BCORL1: variants seen among roughly 807,000 people sequenced by gnomAD.
The protein encoded by BCORL1 is BCL-6 corepressor-like protein 1.
A neutral mutation model predicts 87.6 loss-of-function variants in BCORL1; 7 were observed. The observed-to-expected ratio is 0.08, with a 90% CI of 0.05 to 0.15. The LOEUF is 0.15. BCORL1 is among the 10% of genes least tolerant of loss of function. The pLI, the probability that BCORL1 is intolerant of heterozygous loss-of-function variation, is 1.00. For missense variants in BCORL1, 1,215 were observed against 1,499.7 expected, an observed-to-expected ratio of 0.81 and a Z score of 3.13; for synonymous variants, 591 against 634.4, an observed-to-expected ratio of 0.93 and a Z score of 1.03.
intron 5 of BCORL1, 171 bp downstream of exon 5, chrX:130,021,321 A>G: frequency 1.3e-6 from 1 of 750,447 alleles, no homozygotes; most frequent in Non-Finnish European, 1.6e-6. Context: ...TGAGCGAGCA[A>G]GGATCGGGGG....
chrX:130,049,640 G>A (rs932258180), intron 11 of BCORL1, among the ~76,000 whole-genome samples: 1 of 112,442 alleles, frequency 8.9e-6, no homozygotes, highest in African/African-American at 3.2e-5. Context: ...TTACAGGCGT[G>A]CGCCACTGTG....
chrX:130,015,631 A>G lies in BCORL1; in HGVS notation c.2859A>G (p.Ser953=). ...GAATGAATCAGGGGCCTGAGGAATCAGAGAGCCACCTCTGCTCTGACAGCA... is the reference window on the plus strand; with the variant it reads ...GAATGAATCAGGGGCCTGAGGAATCGGAGAGCCACCTCTGCTCTGACAGCA... ...DIRMNQGPEE[S]ESHLCSDSTP... is the part of the protein sequence containing the mutation. Residue 953 remains serine (S), a synonymous_variant, in exon 4 of 14, where the codon TCA becomes TCG. Transcript: ENST00000540052. 1 of 1,212,076 alleles carries G rather than the reference A, an allele frequency of 8.3e-7. No individual in the cohort carries two copies.
intron 2 of BCORL1, among the ~76,000 whole-genome samples, chrX:130,012,243 T>C (rs1039150180): frequency 1.8e-5 from 2 of 111,633 alleles, no homozygotes; most frequent in African/African-American, 6.5e-5. Context: ...CTGTACATCC[T>C]GGATGGTCAT....
intron 13 of BCORL1, among the ~76,000 whole-genome samples, chrX:130,052,579 T>A (rs1395076371): frequency 8.9e-6 from 1 of 112,083 alleles, no homozygotes; most frequent in African/African-American, 3.2e-5. Flanking sequence ...ACACGTAACA[T>A]TAGATTGAAC....
chrX:130,037,886 C>CA (rs1362067992), intron 10 of BCORL1, among the ~76,000 whole-genome samples: 2 of 111,228 alleles, frequency 1.8e-5, no homozygotes, highest in Admixed American at 9.5e-5. Flanking sequence ...GACTCCGTCT[C>CA]AAAAAAACAT....
rs188463684 is a variant in BCORL1 at position 130,052,628 on chromosome X, G to A, written c.5075+612G>A. Among the ~76,000 whole-genome samples, 901 of 112,379 alleles carry A rather than the reference G, an allele frequency of 8.0e-3. 17 individuals carry two copies. The highest frequency in any genetic ancestry group is 0.077 in the Admixed American group (818 of 10,629). The stretch of plus-strand genomic sequence containing the variant: ...TATTTGATGGTTCTGGAGGGAGTTC[G>A]ACAGCCGGCAGGGCCATGGCCCTTG... On this transcript the variant is annotated intron_variant, in intron 13 of 13. Coordinates refer to ENST00000540052, the MANE Select transcript of BCORL1 (RefSeq NM_001379451.1).
intron 1 of BCORL1, among the ~76,000 whole-genome samples, chrX:129,984,865 G>A (rs1183528914): frequency 1.8e-5 from 2 of 111,758 alleles, no homozygotes; most frequent in Non-Finnish European, 3.8e-5. Flanking sequence ...AATGTTGGCT[G>A]ATCGAAACTG....
chrX:130,031,038 G>A (rs918718904), intron 8 of BCORL1, among the ~76,000 whole-genome samples: 7 of 112,949 alleles, frequency 6.2e-5, no homozygotes, highest in Non-Finnish European at 1.3e-4. Flanking sequence ...GGGGCTCAGA[G>A]CCAGGGGGAA....
At chrX:129,992,386 G>T (rs1927265523) in intron 1 of BCORL1, among the ~76,000 whole-genome samples, 1 of 111,870 alleles carries the variant, frequency 8.9e-6, no homozygotes, top group African/African-American at 3.2e-5. Flanking sequence ...CGGGAGTGCC[G>T]CTACAGTGAG....
intron 1 of BCORL1, among the ~76,000 whole-genome samples, chrX:130,003,623 G>C (rs1011673731): frequency 1.8e-5 from 2 of 111,089 alleles, no homozygotes; most frequent in Non-Finnish European, 3.8e-5. Flanking sequence ...CACCTGCCTC[G>C]GCCTCCCAAA....
intron 4 of BCORL1, 29 bp downstream of exon 4, chrX:130,016,242 G>C (rs1243003911): frequency 8.6e-7 from 1 of 1,162,132 alleles, no homozygotes; most frequent in South Asian, 2.0e-5. Context: ...TCCAGGGTGG[G>C]GCCGAGATGC....
At chrX:129,988,428 C>G (rs778544373) in intron 1 of BCORL1, among the ~76,000 whole-genome samples, 31 of 109,703 alleles carry the variant, frequency 2.8e-4, no homozygotes, top group Non-Finnish European at 4.9e-4. Flanking sequence ...CAGAAGTGAC[C>G]TTTTCCCCAT....
intron 9 of BCORL1, 149 bp from the exon 10 acceptor site, chrX:130,037,218 G>A: frequency 1.7e-6 from 1 of 582,795 alleles, no homozygotes; most frequent in South Asian, 2.7e-5. Context: ...CAGGACTGAT[G>A]TTGTTAATGA....
At chrX:129,983,014 C>A (rs1230783633) in intron 1 of BCORL1, among the ~76,000 whole-genome samples, 1 of 108,518 alleles carries the variant, frequency 9.2e-6, no homozygotes, top group Non-Finnish European at 1.9e-5. Context: ...CTTTTCCCTG[C>A]GGCCGCTCGG....
At chrX:129,991,070 G>C (rs1927108909) in intron 1 of BCORL1, among the ~76,000 whole-genome samples, 1 of 111,060 alleles carries the variant, frequency 9.0e-6, no homozygotes, top group Admixed American at 9.6e-5. Context: ...CGTGTAGCTG[G>C]GACTATAGGT....
intron 8 of BCORL1, among the ~76,000 whole-genome samples, chrX:130,031,966 C>T (rs1930632607): frequency 9.0e-6 from 1 of 111,225 alleles, no homozygotes; most frequent in Non-Finnish European, 1.9e-5. Flanking sequence ...CATCAGATTA[C>T]GTGGTTCAGA....
chrX:130,018,531 A>G (rs1168310011), intron 4 of BCORL1, among the ~76,000 whole-genome samples: 1 of 112,950 alleles, frequency 8.9e-6, no homozygotes, highest in African/African-American at 3.2e-5. Flanking sequence ...CGTGATATAC[A>G]TAAGTGTGTA....
At chrX:130,039,894 G>A (rs1052217945) in intron 11 of BCORL1, among the ~76,000 whole-genome samples, 2 of 112,822 alleles carry the variant, frequency 1.8e-5, no homozygotes, top group African/African-American at 6.4e-5. Context: ...AAGCCAACAT[G>A]CATTTATTTT....
At chrX:130,005,130 G>A (rs1928383788) in intron 1 of BCORL1, 58 bp from the exon 2 acceptor site, 2 of 662,229 alleles carry the variant, frequency 3.0e-6, no homozygotes, top group Admixed American at 2.7e-5. Flanking sequence ...TGTGTAAAAG[G>A]TGATTGAAGC....
Sources: allele counts gnomAD v4.1 joint callset (sites outside exome capture counted in the v4.1 genomes callset), GRCh38; gene constraint gnomAD v4.1.1; transcripts MANE v1.5; gene names NCBI Gene and HGNC (gene_info 2026-07-23, HGNC 2026-07-21).